EEPD1: variants seen among roughly 807,000 people sequenced by gnomAD.
EEPD1 encodes endonuclease/exonuclease/phosphatase family domain-containing protein 1.
EEPD1 carries 17 observed loss-of-function variants against 46.3 expected under a neutral mutation model. The ratio of observed to expected loss-of-function variants is 0.37; its 90% CI spans 0.25 to 0.55. The LOEUF is 0.55. Among genes scored for constraint, EEPD1 ranks in the 20% least tolerant of loss-of-function variants. EEPD1 has a pLI of 0.83. For synonymous variants in EEPD1, 313 were observed against 315.6 expected, an observed-to-expected ratio of 0.99 and a Z score of 0.09; for missense variants, 673 against 745.6, an observed-to-expected ratio of 0.90 and a Z score of 1.13.
intron 3 of EEPD1, among the ~76,000 whole-genome samples, chr7:36,255,636 C>T (rs1308622162): frequency 1.3e-5 from 2 of 152,174 alleles, no homozygotes; most frequent in Non-Finnish European, 2.9e-5. Context: ...ATAGTATTCT[C>T]TGATGGTAGT....
chr7:36,267,688 G>T (rs1282142642), intron 3 of EEPD1, among the ~76,000 whole-genome samples: 1 of 152,094 alleles, frequency 6.6e-6, no homozygotes, highest in East Asian at 1.9e-4. Context: ...GTAAGCTCAG[G>T]TTGGGCAAAG....
chr7:36,156,815 A>T (rs555568086), intron 2 of EEPD1, among the ~76,000 whole-genome samples: 1 of 152,346 alleles, frequency 6.6e-6, no homozygotes, highest in Admixed American at 6.5e-5. Context: ...TTTGAGAACC[A>T]TTGTACTAGG....
chr7:36,268,888 A>G (rs1368803646), intron 3 of EEPD1, among the ~76,000 whole-genome samples: 1 of 152,222 alleles, frequency 6.6e-6, no homozygotes, highest in Non-Finnish European at 1.5e-5. Flanking sequence ...GCCCAAAGTC[A>G]AAACTCTTGG....
chr7:36,273,306 G>A (rs1489663197), intron 3 of EEPD1, among the ~76,000 whole-genome samples: 1 of 152,108 alleles, frequency 6.6e-6, no homozygotes, highest in African/African-American at 2.4e-5. Flanking sequence ...TATGAGCTGT[G>A]ATTAGTGCCT....
chr7:36,265,533 C>A (rs1787000920), intron 3 of EEPD1, among the ~76,000 whole-genome samples: 1 of 152,216 alleles, frequency 6.6e-6, no homozygotes, highest in African/African-American at 2.4e-5. Context: ...ACTCATAACT[C>A]ATTTTCTTTG....
rs1323385937 is a variant in EEPD1 at position 36,249,584 on chromosome 7, GA to G, written c.930+10549del. On this transcript the variant is annotated intron_variant, in intron 3 of 7. Transcript: ENST00000242108. ...GGCCTAGTATATATCCATCAAAAAT[GA>G]TAAGATCTTTTAGCCTCATAGAATT... Among the ~76,000 whole-genome samples the G allele has an allele frequency of 5.9e-5, 9 of 152,182 alleles. No homozygotes were observed. The East Asian group carries it at 1.7e-3, about 29-fold the overall frequency.
At chr7:36,164,874 T>G (rs1304866193) in intron 2 of EEPD1, among the ~76,000 whole-genome samples, 1 of 152,184 alleles carries the variant, frequency 6.6e-6, no homozygotes, top group African/African-American at 2.4e-5. Context: ...GAAAGAAATA[T>G]ATTTAACAGT....
intron 2 of EEPD1, among the ~76,000 whole-genome samples, chr7:36,170,385 G>A (rs1213778815): frequency 6.6e-6 from 1 of 151,938 alleles, no homozygotes. Flanking sequence ...CTCCAGCCTG[G>A]GTGACAGAGT....
At position 36,176,505 on chromosome 7, in the gene EEPD1, C is replaced by T. The variant is rs117525198; in HGVS notation, c.878+21303C>T. Among the ~76,000 whole-genome samples the T allele has an allele frequency of 1.6e-4, 25 of 152,298 alleles. No homozygotes were observed. The East Asian group carries it at 4.6e-3, about 28-fold the overall frequency. ...AGTTATTTCGGTTCAGATGCTATGTCGTAGCGCTATGATAGCTGTGAACAT... is the reference window on the plus strand; with the variant it reads ...AGTTATTTCGGTTCAGATGCTATGTTGTAGCGCTATGATAGCTGTGAACAT... On this transcript the variant is annotated intron_variant, in intron 2 of 7. Transcript: ENST00000242108.
intron 6 of EEPD1, among the ~76,000 whole-genome samples, chr7:36,294,683 A>G (rs887736989): frequency 3.9e-5 from 6 of 152,192 alleles, no homozygotes; most frequent in Non-Finnish European, 5.9e-5. Context: ...AAGGCACATC[A>G]CAAACTAAAA....
chr7:36,195,535 T>TA (rs1270376285), intron 2 of EEPD1, among the ~76,000 whole-genome samples: 7 of 152,172 alleles, frequency 4.6e-5, no homozygotes, highest in Non-Finnish European at 7.4e-5. Context: ...ATGTGGAATC[T>TA]AAAAAAATTA....
rs778039221 is a variant in EEPD1 at position 36,154,296 on chromosome 7, C to T, written c.-29C>T. The T allele has an allele frequency of 1.3e-6, 2 of 1,589,958 alleles. No individual in the cohort carries two copies. Among genetic ancestry groups the T allele is most frequent in the East Asian group, 4.5e-5 (2 of 44,612 alleles). On this transcript the variant is annotated 5_prime_UTR_variant, in exon 2 of 8. Transcript: ENST00000242108. This position sits in a 1 kb window ranked among gnomAD's most constrained non-coding sequence, Gnocchi z 4.2. ...AGAGAGCTCTTCTGCAGTGGTGCGG[C>T]CTTCCCGGGAGCCTGATCCTGGCGG...
At chr7:36,167,946 T>G (rs1724847182) in intron 2 of EEPD1, among the ~76,000 whole-genome samples, 1 of 152,094 alleles carries the variant, frequency 6.6e-6, no homozygotes, top group Admixed American at 6.5e-5. Context: ...TAGTGCCCTT[T>G]AGAATTGCTG....
At chr7:36,194,640 G>A (rs547649931) in intron 2 of EEPD1, among the ~76,000 whole-genome samples, 1 of 152,278 alleles carries the variant, frequency 6.6e-6, no homozygotes, top group Non-Finnish European at 1.5e-5. Context: ...GGCTTTCCAT[G>A]GATGTGACTC....
intron 2 of EEPD1, among the ~76,000 whole-genome samples, chr7:36,166,284 C>G (rs1056589645): frequency 1.5e-4 from 23 of 152,174 alleles, no homozygotes; most frequent in Admixed American, 1.5e-3. Context: ...ACAAAAAATG[C>G]AAGTAGTTGT....
intron 2 of EEPD1, among the ~76,000 whole-genome samples, chr7:36,204,031 T>C (rs886249979): frequency 6.6e-6 from 1 of 151,378 alleles, no homozygotes; most frequent in East Asian, 1.9e-4. Context: ...CTTTCTTTTT[T>C]CTTTTTCTTT....
intron 2 of EEPD1, among the ~76,000 whole-genome samples, chr7:36,159,700 T>G (rs1784873429): frequency 6.6e-6 from 1 of 152,224 alleles, no homozygotes; most frequent in Admixed American, 6.5e-5. Context: ...AGGGCTTCCC[T>G]ACAACCCTGA....
At position 36,298,984 on chromosome 7, in the gene EEPD1, C is replaced by T. The variant is rs774302120; in HGVS notation, c.1511-23C>T. ...CCAACCCCCCATCCTGATTCCCGGTCTCTTTCCTTCCTCTCCCTTCAGGTC... is the reference window on the plus strand; with the variant it reads ...CCAACCCCCCATCCTGATTCCCGGTTTCTTTCCTTCCTCTCCCTTCAGGTC... On this transcript the variant is annotated intron_variant, in intron 7 of 7. Coordinates refer to ENST00000242108, the MANE Select transcript of EEPD1 (RefSeq NM_030636.3). The T allele has an allele frequency of 2.5e-6, 4 of 1,611,448 alleles. No individual in the cohort carries two copies. The East Asian group carries it at 6.7e-5, about 27-fold the overall frequency.
Position 36,301,020 on chromosome 7 carries a change from TTCACCAG to T in EEPD1, c.*1815_*1821del, listed in dbSNP as rs1437087485. 2.0e-5 allele frequency: 3 copies of T among 152,352 alleles called. No individual in the cohort carries two copies. Among genetic ancestry groups the T allele is most frequent in the Non-Finnish European group, 4.4e-5 (3 of 68,046 alleles). 9.4% of individuals were successfully genotyped at this position (152,352 alleles called of 1,614,324 possible). The stretch of plus-strand genomic sequence containing the variant: ...ATCTAAAGGTGAAACCTCCCCTACA[TTCACCAG>T]CCGGATGTCCCAAATCCCTTTAGCC... On this transcript the variant is annotated 3_prime_UTR_variant, in exon 8 of 8. Transcript: ENST00000242108.
Sources: allele counts gnomAD v4.1 joint callset (sites outside exome capture counted in the v4.1 genomes callset), GRCh38; gene constraint gnomAD v4.1.1; non-coding constraint Gnocchi (gnomAD v3.1); transcripts MANE v1.5; gene names NCBI Gene and HGNC (gene_info 2026-07-23, HGNC 2026-07-21).